DPP10: variants seen among roughly 807,000 people sequenced by gnomAD.
The protein encoded by DPP10 is inactive dipeptidyl peptidase 10.
DPP10 carries 33 observed loss-of-function variants against 120.9 expected under a neutral mutation model. The ratio of observed to expected loss-of-function variants is 0.27; its 90% CI spans 0.21 to 0.37. The LOEUF is 0.37. Ranked by LOEUF, DPP10 falls within the 10% of genes least tolerant of loss-of-function variation. DPP10 has a pLI of 1.00. For missense variants in DPP10, 816 were observed against 942.8 expected (o/e 0.87, Z 1.76); for synonymous variants, 337 against 326.1 (o/e 1.03, Z -0.36).
intron 1 of DPP10, among the ~76,000 whole-genome samples, chr2:114,813,250 A>G (rs1268132616): frequency 6.6e-6 from 1 of 152,176 alleles, no homozygotes; most frequent in Non-Finnish European, 1.5e-5. Flanking sequence ...ATCATACACT[A>G]AAAACATATA....
intron 3 of DPP10, among the ~76,000 whole-genome samples, chr2:115,414,882 G>T (rs181601580): frequency 6.7e-6 from 1 of 149,198 alleles, no homozygotes; most frequent in African/African-American, 2.5e-5. Flanking sequence ...TCCAGGAAAA[G>T]GCTTGGAAGG....
chr2:114,936,716 G>A lies in DPP10; in HGVS notation c.61-372523G>A, dbSNP rs149085637. Among the ~76,000 whole-genome samples, 15 of 152,138 alleles carry A rather than the reference G, an allele frequency of 9.9e-5. No homozygotes were observed. The East Asian group carries it at 2.9e-3, about 30-fold the overall frequency. On this transcript the variant is annotated intron_variant, in intron 1 of 25. Coordinates refer to ENST00000410059, the MANE Select transcript of DPP10 (RefSeq NM_020868.6). ...ATTCACTATACACTATTACAGTGTA[G>A]AGGTATTAACTTTTTACTGCATCCA... is the stretch of plus-strand genomic sequence containing the variant.
intron 2 of DPP10, among the ~76,000 whole-genome samples, chr2:115,335,816 A>G (rs1473849271): frequency 1.3e-5 from 2 of 152,080 alleles, no homozygotes; most frequent in Non-Finnish European, 2.9e-5. Context: ...AAAATGAAGA[A>G]TACGATTAAG....
chr2:115,289,685 C>T (rs1574309998), intron 1 of DPP10, among the ~76,000 whole-genome samples: 1 of 151,856 alleles, frequency 6.6e-6, no homozygotes, highest in Admixed American at 6.6e-5. Context: ...AGAACCCAGA[C>T]ATAAAGCCAG....
chr2:115,512,262 A>G (rs1823269), intron 4 of DPP10, among the ~76,000 whole-genome samples: 32,213 of 151,734 alleles, frequency 0.21, 3,929 homozygotes, highest in East Asian at 0.39. Flanking sequence ...CACCATGTCT[A>G]GCTAAATTTT....
At chr2:114,744,986 T>C (rs1313286859) in intron 1 of DPP10, among the ~76,000 whole-genome samples, 1 of 152,130 alleles carries the variant, frequency 6.6e-6, no homozygotes, top group African/African-American at 2.4e-5. Flanking sequence ...GGTCTCGAAC[T>C]CCTGACCTTG....
At chr2:114,495,036 A>G (rs1038291544) in intron 1 of DPP10, among the ~76,000 whole-genome samples, 2 of 152,140 alleles carry the variant, frequency 1.3e-5, no homozygotes, top group East Asian at 1.9e-4. Flanking sequence ...GTCTAAGTAA[A>G]TGGTAACTAG....
intron 1 of DPP10, among the ~76,000 whole-genome samples, chr2:115,111,810 T>C (rs1365454577): frequency 2.6e-5 from 4 of 152,188 alleles, no homozygotes; most frequent in Non-Finnish European, 5.9e-5. Context: ...TTTGGAAAAC[T>C]GGGTTTAGTT....
chr2:115,575,527 A>G (rs2081601461), intron 5 of DPP10, among the ~76,000 whole-genome samples: 2 of 152,140 alleles, frequency 1.3e-5, no homozygotes, highest in Non-Finnish European at 2.9e-5. Context: ...GGAGCTTGCC[A>G]CTTTCTCAGG....
chr2:114,524,613 T>G (rs1685343476), intron 1 of DPP10, among the ~76,000 whole-genome samples: 1 of 152,192 alleles, frequency 6.6e-6, no homozygotes, highest in African/African-American at 2.4e-5. Context: ...TAGCCGTAGC[T>G]CTCAAGGAGC....
At chr2:115,595,228 T>C (rs1254710939) in intron 5 of DPP10, among the ~76,000 whole-genome samples, 2 of 152,134 alleles carry the variant, frequency 1.3e-5, no homozygotes, top group African/African-American at 4.8e-5. Context: ...CGAAGACAAC[T>C]GAATCTGTCT....
chr2:114,972,322 A>G (rs1699452312), intron 1 of DPP10, among the ~76,000 whole-genome samples: 1 of 152,180 alleles, frequency 6.6e-6, no homozygotes, highest in Non-Finnish European at 1.5e-5. Context: ...CAGTTTTGCA[A>G]ACTGATGGAG....
intron 1 of DPP10, among the ~76,000 whole-genome samples, chr2:114,781,207 A>C (rs1682297076): frequency 6.6e-6 from 1 of 152,150 alleles, no homozygotes. Flanking sequence ...AAATCTCTCC[A>C]CACATACAGT....
At chr2:114,661,225 TA>T (rs1697379376) in intron 1 of DPP10, among the ~76,000 whole-genome samples, 1 of 152,332 alleles carries the variant, frequency 6.6e-6, no homozygotes, top group East Asian at 1.9e-4. Flanking sequence ...TCTTCCATGT[TA>T]AAGTGAGTCC....
chr2:114,753,118 C>T (rs1455665735), intron 1 of DPP10, among the ~76,000 whole-genome samples: 1 of 152,056 alleles, frequency 6.6e-6, no homozygotes, highest in Non-Finnish European at 1.5e-5. Flanking sequence ...TCTGTCAAAC[C>T]CAACAATCAG....
intron 1 of DPP10, among the ~76,000 whole-genome samples, chr2:114,669,540 G>T (rs1264396917): frequency 6.6e-6 from 1 of 152,078 alleles, no homozygotes; most frequent in African/African-American, 2.4e-5. Context: ...CAGGTTGACA[G>T]TATTGAATTG....
chr2:114,723,674 A>G (rs1701853868), intron 1 of DPP10, among the ~76,000 whole-genome samples: 1 of 152,096 alleles, frequency 6.6e-6, no homozygotes, highest in Admixed American at 6.5e-5. Context: ...GGAGGACCCA[A>G]TCTTGCTTTA....
intron 1 of DPP10, among the ~76,000 whole-genome samples, chr2:115,289,239 TGAATGATCTCCACAA>T: frequency 6.6e-6 from 1 of 151,308 alleles, no homozygotes; most frequent in East Asian, 1.9e-4. Flanking sequence ...ACTAAGGAGG[TGAATGATCTCCACAA>T]GGAAAACTAC....
At chr2:115,075,625 T>C (rs1009429246) in intron 1 of DPP10, among the ~76,000 whole-genome samples, 5 of 152,160 alleles carry the variant, frequency 3.3e-5, no homozygotes, top group African/African-American at 1.2e-4. Context: ...CTTGAATCTC[T>C]GATAGCAGTT....
Sources: gnomAD v4.1 joint callset for allele counts (sites outside exome capture counted in the v4.1 genomes callset) on GRCh38, gnomAD v4.1.1 for gene constraint, MANE v1.5 for transcripts, NCBI Gene and HGNC (gene_info 2026-07-23, HGNC 2026-07-21) for gene names.